Variants in CAPN10 observed in about 807,000 individuals in gnomAD.
CAPN10 encodes calpain 10.
A neutral mutation model predicts 78.4 loss-of-function variants in CAPN10; 71 were observed. The ratio of observed to expected loss-of-function variants is 0.91; its 90% CI spans 0.75 to 1.10. The LOEUF (loss-of-function observed/expected upper bound fraction) is 1.10. Among genes scored for constraint, CAPN10 ranks in the 50% least tolerant of loss-of-function variants. CAPN10 has a pLI of 0.00. For synonymous variants in CAPN10, 437 were observed against 407.2 expected, an observed-to-expected ratio of 1.07 and a Z score of -0.88; for missense variants, 849 against 924.6, an observed-to-expected ratio of 0.92 and a Z score of 1.06.
In CAPN10 at chr2:240,590,843, C is replaced by A; in HGVS notation, c.302C>A (p.Ala101Asp). The change falls in exon 3 of 12, where the codon GCC becomes GAC. Residue 101 changes from alanine to aspartate, a missense_variant. Ala to Asp is a moderately radical substitution (Grantham distance 126). Transcript: ENST00000391984. ...QVIPPGQPSW[A>D]DQEYRGSFTC... Reference sequence around the variant, plus strand: ...ATTCCTCCGGGACAGCCGAGCTGGGCCGACCAGGAGTACCGGGGCTCCTTC... The same window carrying A: ...ATTCCTCCGGGACAGCCGAGCTGGGACGACCAGGAGTACCGGGGCTCCTTC... The A allele has an allele frequency of 1.2e-6, 2 of 1,614,184 alleles. No individual in the cohort carries two copies. Among genetic ancestry groups the A allele is most frequent in the South Asian group, 2.2e-5 (2 of 91,088 alleles).
At chr2:240,593,703 C>T (rs923950755) in intron 4 of CAPN10, among the ~76,000 whole-genome samples, 1 of 152,202 alleles carries the variant, frequency 6.6e-6, no homozygotes, top group African/African-American at 2.4e-5. Context: ...CGTGTGCTTG[C>T]TCCTGGAGAT....
rs2093087656 is a variant in CAPN10 at position 240,589,451 on chromosome 2, A to C, written c.250A>C (p.Lys84Gln). The C allele has an allele frequency of 1.9e-6, 3 of 1,613,668 alleles. No homozygotes were observed. The East Asian group carries it at 6.7e-5, about 36-fold the overall frequency. Residue 84 changes from lysine to glutamine, a missense_variant, in exon 2 of 12, where the codon AAG (lysine) becomes CAG (glutamine). By Grantham distance (53) the Lys-to-Gln change is moderately conservative (BLOSUM62 1). Coordinates refer to ENST00000391984, the MANE Select transcript of CAPN10 (RefSeq NM_023083.4). ...CCTGTGTGCCTGCGCCGCGCTGCAG[A>C]AGAGCAGGCACCTCCTGGACCAGGT... is the stretch of plus-strand genomic sequence containing the variant. ...WFLCACAALQ[K>Q]SRHLLDQVIP...
rs775994996 is a variant in CAPN10 at position 240,597,842 on chromosome 2, C to CT, written c.1744-45dup. On this transcript the variant is annotated intron_variant, in intron 9 of 11. Transcript: ENST00000391984. ...AGCAGATGGCCCTGGGCTGGGCTCC[C>CT]TACCCCAAGGCTGGCCCCCTCAGTC... The CT allele has an allele frequency of 1.7e-5, 26 of 1,525,552 alleles. No homozygotes were observed. In the African/African-American group the frequency reaches 3.4e-4, roughly 20 times the overall value. 94.5% of individuals were successfully genotyped at this position (1,525,552 alleles called of 1,614,324 possible).
In CAPN10 at chr2:240,598,293, A is replaced by C; in HGVS notation, c.1944-59A>C. ...GTCTAGTGGGAGGTGGGCCAGGAGC[A>C]CACAGCCACTTGTGTGACAAGTGCA... is the stretch of plus-strand genomic sequence containing the variant. On this transcript the variant is annotated intron_variant, in intron 10 of 11. Transcript: ENST00000391984. The C allele has an allele frequency of 1.9e-6, 3 of 1,585,652 alleles. No homozygotes were observed. The Admixed American group carries it at 5.0e-5, about 26-fold the overall frequency.
chr2:240,596,562 C>A (rs1302032861), intron 8 of CAPN10, 41 bp downstream of exon 8: 6 of 1,557,202 alleles, frequency 3.9e-6, no homozygotes, highest in Non-Finnish European at 5.2e-6. Flanking sequence ...TCCGAGGCCA[C>A]AGGCCCTTCC....
chr2:240,598,860 G>T lies in CAPN10; in HGVS notation c.*180G>T. The T allele has an allele frequency of 1.6e-6, 1 of 621,890 alleles. No individual in the cohort carries two copies. Among genetic ancestry groups the T allele is most frequent in the Non-Finnish European group, 2.9e-6 (1 of 343,896 alleles). 38.5% of individuals were successfully genotyped at this position (621,890 alleles called of 1,614,324 possible). ...GGAAGCCTCCGTCAGGAGAGACGCA[G>T]CCCTGGGGGCCAGCTGGTGCTGCAA... is the stretch of plus-strand genomic sequence containing the variant. On this transcript the variant is annotated 3_prime_UTR_variant, in exon 12 of 12. Coordinates refer to ENST00000391984, the MANE Select transcript of CAPN10 (RefSeq NM_023083.4).
At position 240,595,039 on chromosome 2, in the gene CAPN10, A is replaced by G. The variant is rs2093127771; in HGVS notation, c.1013A>G (p.His338Arg). 1.2e-6 allele frequency: 2 copies of G among 1,613,096 alleles called. No homozygotes were observed. Among genetic ancestry groups the G allele is most frequent in the African/African-American group, 1.3e-5 (1 of 75,050 alleles). ...TTCTCACTAGAGAGGCTGCTCTGCC[A>G]TACGCGGGCGCTGCCTGGGGCCTGG... ...QSLYTERLLC[H>R]TRALPGAWVK... Residue 338 changes from histidine (H) to arginine (R), a missense_variant, in exon 7 of 12, where the codon CAT becomes CGT. By Grantham distance (29) the His-to-Arg change is conservative. Coordinates refer to ENST00000391984, the MANE Select transcript of CAPN10 (RefSeq NM_023083.4).
chr2:240,594,412 AGCTGGGGCACGGGGTT>A, intron 5 of CAPN10, 115 bp from the exon 6 acceptor site: 5 of 888,822 alleles, frequency 5.6e-6, no homozygotes, highest in Admixed American at 2.3e-5. Context: ...GGGGCTGCAG[AGCTGGGGCACGGGGTT>A]GCTGGCAGGA....
rs1207650975 is a variant in CAPN10, at chr2:240,596,438, C to T, written c.1398C>T (p.Tyr466=). ...HLRCELSPGY[Y]LAVPSTFLKD... Reference sequence around the variant, plus strand: ...GTTGTGAGCTCTCACCGGGCTACTACCTGGCTGTCCCCAGCACCTTCCTGA... The same window carrying T: ...GTTGTGAGCTCTCACCGGGCTACTATCTGGCTGTCCCCAGCACCTTCCTGA... The change falls in exon 8 of 12, where the codon TAC becomes TAT. Residue 466 remains tyrosine, a synonymous_variant. Coordinates refer to ENST00000391984, the MANE Select transcript of CAPN10 (RefSeq NM_023083.4). The T allele has an allele frequency of 6.2e-7, 1 of 1,613,724 alleles. No homozygotes were observed. Among genetic ancestry groups the T allele is most frequent in the Non-Finnish European group, 8.5e-7 (1 of 1,179,938 alleles).
In CAPN10 at chr2:240,597,771, C is replaced by T. The variant is rs941938547; in HGVS notation, c.1744-117C>T. ...CAGTGTCCAGGCCTGGCAGCCCCTC[C>T]TCAGAGAAGGGGCTGTATGTGACTC... On this transcript the variant is annotated intron_variant, in intron 9 of 11. Coordinates refer to ENST00000391984, the MANE Select transcript of CAPN10 (RefSeq NM_023083.4). 12 of 909,728 alleles carry T rather than the reference C, an allele frequency of 1.3e-5. No individual in the cohort carries two copies. The Admixed American group carries it at 3.3e-4, about 25-fold the overall frequency. 56.4% of individuals were successfully genotyped at this position (909,728 alleles called of 1,614,324 possible). A position where few individuals can be genotyped will look rare whatever the true frequency, so the allele number is the denominator to read the frequency against.
rs1362779866 is a variant in CAPN10, at chr2:240,598,720, G to A, written c.*40G>A. On this transcript the variant is annotated 3_prime_UTR_variant, in exon 12 of 12. Transcript: ENST00000391984. ...GTGCCAGCTCAGGTGACTGGAGCCC[G>A]AGGGCCTGACAGGTTCCCAGCAGCT... is the stretch of plus-strand genomic sequence containing the variant. 5 of 1,551,454 alleles carry A rather than the reference G, an allele frequency of 3.2e-6. No individual in the cohort carries two copies. The highest frequency in any genetic ancestry group is 1.7e-4 in the Middle Eastern group (1 of 5,994).
At chr2:240,594,940 C>A in intron 6 of CAPN10, 84 bp from the exon 7 acceptor site, 4 of 1,437,118 alleles carry the variant, frequency 2.8e-6, no homozygotes, top group African/African-American at 1.5e-5. Flanking sequence ...CTGCTTAGAC[C>A]CTGCCAGGGT....
At chr2:240,594,178 C>T in intron 5 of CAPN10, 131 bp downstream of exon 5, 4 of 955,822 alleles carry the variant, frequency 4.2e-6, no homozygotes, top group Non-Finnish European at 6.0e-6. Context: ...AGTCCCTGCT[C>T]TCGTGACACC....
At chr2:240,595,743 G>A (rs934874801) in intron 7 of CAPN10, among the ~76,000 whole-genome samples, 2 of 152,248 alleles carry the variant, frequency 1.3e-5, no homozygotes, top group African/African-American at 4.8e-5. Context: ...CTGCAAGACG[G>A]GGTCCTGACA....
chr2:240,591,924 G>A lies in CAPN10; in HGVS notation c.471-9G>A. ...AGAGGCTCACTCCCATGGTGATTGT[G>A]TCCCCTAGGGTCCATGGGTCCTACG... On this transcript the variant is annotated splice_polypyrimidine_tract_variant and intron_variant, in intron 3 of 11. Transcript: ENST00000391984. 2 of 1,610,130 alleles carry A rather than the reference G, an allele frequency of 1.2e-6. No homozygotes were observed. Among genetic ancestry groups the A allele is most frequent in the Non-Finnish European group, 1.7e-6 (2 of 1,178,164 alleles).
In CAPN10 at chr2:240,595,019, A is replaced by G; in HGVS notation, c.998-5A>G. The G allele has an allele frequency of 6.2e-7, 1 of 1,612,618 alleles. No homozygotes were observed. Among genetic ancestry groups the G allele is most frequent in the Non-Finnish European group, 8.5e-7 (1 of 1,179,890 alleles). ...CACAGCTGATGCCTGGTGTTTTCTC[A>G]CTAGAGAGGCTGCTCTGCCATACGC... On this transcript the variant is annotated splice_region_variant and splice_polypyrimidine_tract_variant and intron_variant, in intron 6 of 11. Coordinates refer to ENST00000391984, the MANE Select transcript of CAPN10 (RefSeq NM_023083.4).
chr2:240,589,221 TGGGTAACAC>T, intron 1 of CAPN10, 113 bp from the exon 2 acceptor site: 1 of 1,301,390 alleles, frequency 7.7e-7, no homozygotes. Flanking sequence ...TGTCCCTTTT[TGGGTAACAC>T]TGATGATCGG....
intron 4 of CAPN10, 128 bp downstream of exon 4, chr2:240,592,278 C>A: frequency 1.2e-6 from 1 of 840,350 alleles, no homozygotes. Context: ...AAGAAGTAAG[C>A]TTGTTCTCAA....
intron 7 of CAPN10, 123 bp from the exon 8 acceptor site, chr2:240,596,196 G>A (rs1179820714): frequency 1.4e-6 from 2 of 1,477,080 alleles, no homozygotes; most frequent in Admixed American, 4.8e-5. Context: ...GGAGGGTGCT[G>A]ACAGGCCTTG....
Sources: allele counts gnomAD v4.1 joint callset (sites outside exome capture counted in the v4.1 genomes callset), GRCh38; gene constraint gnomAD v4.1.1; transcripts MANE v1.5; gene names NCBI Gene and HGNC (gene_info 2026-07-23, HGNC 2026-07-21).